The following LRPAP1 variants were observed in gnomAD, a reference collection of about 807,000 sequenced individuals.
The protein encoded by LRPAP1 is LDL receptor related protein associated protein 1, also known as alpha-2-macroglobulin receptor-associated protein.
Under a neutral mutation model 39.9 loss-of-function variants are expected in LRPAP1, and 41 were observed. The observed-to-expected ratio is 1.03, with a 90% CI of 0.80 to 1.33. The LOEUF is 1.33. Ranked by LOEUF, LRPAP1 falls within the 40% of genes most tolerant of loss-of-function variation. LRPAP1 has a pLI of 0.00. For missense variants in LRPAP1, 565 were observed against 482.3 expected, an observed-to-expected ratio of 1.17 and a Z score of -1.61; for synonymous variants, 263 against 212.7, an observed-to-expected ratio of 1.24 and a Z score of -2.06.
Position 3,521,179 on chromosome 4 carries a change from C to T in LRPAP1, c.350-986G>A, listed in dbSNP as rs377062838. Reference sequence around the variant, plus strand: ...GCGGGCGGTGGGCTTGCCTGCCCGCCCTTTCCTGGGGGCTGGGGGAATTCT... The same window carrying T: ...GCGGGCGGTGGGCTTGCCTGCCCGCTCTTTCCTGGGGGCTGGGGGAATTCT... On this transcript the variant is annotated intron_variant, in intron 2 of 7. Coordinates refer to ENST00000650182, the MANE Select transcript of LRPAP1 (RefSeq NM_002337.4). 2.2e-3 allele frequency among the ~76,000 whole-genome samples: 341 copies of T among 152,306 alleles called. 1 individual carries two copies. Among genetic ancestry groups the T allele is most frequent in the African/African-American group, 7.5e-3 (313 of 41,572 alleles).
intron 5 of LRPAP1, 168 bp downstream of exon 5, chr4:3,517,866 T>A (rs866064897): frequency 4.2e-6 from 3 of 722,514 alleles, no homozygotes; most frequent in Non-Finnish European, 6.3e-6. Context: ...GAGCAGCTCC[T>A]GGGAGCGAGG....
At position 3,525,007 on chromosome 4, in the gene LRPAP1, C is replaced by T. The variant is rs1404193195; in HGVS notation, c.249G>A (p.Leu83=). Residue 83 remains leucine (L), a synonymous_variant, in exon 2 of 8, where the codon CTG becomes CTA. Transcript: ENST00000650182. The part of the protein sequence containing the change: ...PVRLAELHAD[L]KIQERDELAW... ...CGAGTTCGTCCCTCTCCTGTATCTT[C>T]AGATCAGCGTGGAGCTCGGCCAGCC... 4 of 1,614,028 alleles carry T rather than the reference C, an allele frequency of 2.5e-6. No homozygotes were observed. The highest frequency in any genetic ancestry group is 3.4e-6 in the Non-Finnish European group (4 of 1,180,052).
chr4:3,524,995 C>T lies in LRPAP1; in HGVS notation c.261G>A (p.Glu87=). ...AELHADLKIQ[E]RDELAWKKLK... ...GTTTCTTCCAGGCGAGTTCGTCCCT[C>T]TCCTGTATCTTCAGATCAGCGTGGA... The change falls in exon 2 of 8, where the codon GAG becomes GAA. Residue 87 remains glutamate, a synonymous_variant. Coordinates refer to ENST00000650182, the MANE Select transcript of LRPAP1 (RefSeq NM_002337.4). The T allele has an allele frequency of 3.7e-6, 6 of 1,614,178 alleles. No homozygotes were observed. Among genetic ancestry groups the T allele is most frequent in the Non-Finnish European group, 4.2e-6 (5 of 1,180,046 alleles).
Position 3,506,051 on chromosome 4 carries a change from T to G in LRPAP1, c.*6923A>C, listed in dbSNP as rs1174670851. 6.6e-6 allele frequency among the ~76,000 whole-genome samples: 1 copy of G among 152,174 alleles called. No homozygotes were observed. The highest frequency in any genetic ancestry group is 2.4e-5 in the African/African-American group (1 of 41,452). On this transcript the variant is annotated 3_prime_UTR_variant, in exon 8 of 8. Transcript: ENST00000650182. ...TCACTGCATCTCATAATTATTGAGA[T>G]ATTTTTAAATTTTCAAGCTTTTTTT...
At chr4:3,514,141 G>C (rs1231135741) in intron 7 of LRPAP1, among the ~76,000 whole-genome samples, 1 of 152,238 alleles carries the variant, frequency 6.6e-6, no homozygotes, top group African/African-American at 2.4e-5. Context: ...ATTCTGCCAG[G>C]CAGACCCGCA....
chr4:3,509,016 T>A lies in LRPAP1; in HGVS notation c.*3958A>T, dbSNP rs1240726652. ...AACACCGCCATGGCCAAGGCGGGAG[T>A]TTAGGGCACAGGATTAAAGCACCAC... On this transcript the variant is annotated 3_prime_UTR_variant, in exon 8 of 8. Transcript: ENST00000650182. 6.6e-6 allele frequency: 1 copy of A among 151,482 alleles called. No individual in the cohort carries two copies. The highest frequency in any genetic ancestry group is 1.5e-5 in the Non-Finnish European group (1 of 67,900). The allele number at this position is 151,482 out of a possible 1,614,324, so 9.4% of individuals were successfully genotyped here.
Position 3,524,986 on chromosome 4 carries a change from T to A in LRPAP1, c.270A>T (p.Glu90Asp). ...CAAGCTTTAGTTTCTTCCAGGCGAG[T>A]TCGTCCCTCTCCTGTATCTTCAGAT... ...HADLKIQERD[E>D]LAWKKLKLDG... is the part of the protein sequence containing the mutation. Residue 90 changes from glutamate to aspartate, a missense_variant, in exon 2 of 8, where the codon GAA (glutamate) becomes GAT (aspartate). Physicochemically the swap from Glu to Asp is conservative, Grantham distance 45. Transcript: ENST00000650182. The A allele has an allele frequency of 6.2e-7, 1 of 1,614,028 alleles. No individual in the cohort carries two copies. The highest frequency in any genetic ancestry group is 8.5e-7 in the Non-Finnish European group (1 of 1,180,006).
At chr4:3,531,553 G>A (rs1398238691) in intron 1 of LRPAP1, among the ~76,000 whole-genome samples, 1 of 152,196 alleles carries the variant, frequency 6.6e-6, no homozygotes, top group East Asian at 1.9e-4. Flanking sequence ...CACCAATTAG[G>A]AAGCTGTTGT....
rs2108683688 is a variant in LRPAP1 at position 3,506,936 on chromosome 4, G to A, written c.*6038C>T. On this transcript the variant is annotated 3_prime_UTR_variant, in exon 8 of 8. Transcript: ENST00000650182. ...CTGGGAATAACGCTAAGACCAGGCT[G>A]GGTGTGGCGGCTCCCGCCACCTGTA... The A allele has an allele frequency of 6.6e-6, 1 of 152,372 alleles. No homozygotes were observed. The highest frequency in any genetic ancestry group is 1.9e-4 in the East Asian group (1 of 5,186). The allele number at this position is 152,372 out of a possible 1,614,324, so 9.4% of individuals were successfully genotyped here.
At chr4:3,513,549 T>C (rs1373993907) in intron 7 of LRPAP1, among the ~76,000 whole-genome samples, 3 of 152,138 alleles carry the variant, frequency 2.0e-5, no homozygotes, top group Non-Finnish European at 4.4e-5. Flanking sequence ...GCTCAGATGA[T>C]CCACCCACCT....
At chr4:3,520,979 A>G (rs1729892827) in intron 2 of LRPAP1, among the ~76,000 whole-genome samples, 1 of 152,214 alleles carries the variant, frequency 6.6e-6, no homozygotes, top group African/African-American at 2.4e-5. Flanking sequence ...CAACAGGACA[A>G]GTCCTGCACT....
chr4:3,514,970 T>G, intron 6 of LRPAP1, 42 bp from the exon 7 acceptor site: 2 of 1,597,826 alleles, frequency 1.3e-6, no homozygotes, highest in Non-Finnish European at 1.7e-6. Context: ...CTTCCCGTGC[T>G]CGCCACGCCA....
intron 2 of LRPAP1, among the ~76,000 whole-genome samples, chr4:3,524,358 A>G (rs995803519): frequency 1.3e-5 from 2 of 152,226 alleles, no homozygotes; most frequent in Non-Finnish European, 2.9e-5. Flanking sequence ...CCAAGTGTCC[A>G]TTCTGATGAC....
rs934210102 is a variant in LRPAP1, at chr4:3,510,782, G to C, written c.*2192C>G. 1.3e-5 allele frequency: 2 copies of C among 152,318 alleles called. No individual in the cohort carries two copies. Among genetic ancestry groups the C allele is most frequent in the Non-Finnish European group, 2.9e-5 (2 of 68,072 alleles). 9.4% of individuals were successfully genotyped at this position (152,318 alleles called of 1,614,324 possible). On this transcript the variant is annotated 3_prime_UTR_variant, in exon 8 of 8. Transcript: ENST00000650182. ...ATACACAGACGCACGCAAAGACACA[G>C]ACTGCCCAGAGCCATGCACGTGGAA...
chr4:3,519,134 A>G, intron 3 of LRPAP1, 143 bp from the exon 4 acceptor site: 2 of 1,365,676 alleles, frequency 1.5e-6, no homozygotes, highest in East Asian at 5.0e-5. Flanking sequence ...GAAGGGCAGG[A>G]AAACAAAAAA....
chr4:3,527,550 T>C (rs73197150), intron 1 of LRPAP1, among the ~76,000 whole-genome samples: 2,921 of 152,342 alleles, frequency 0.019, 43 homozygotes, highest in Middle Eastern at 0.078. Context: ...CTTACCGTGC[T>C]GCACTGCCCG....
intron 5 of LRPAP1, 110 bp downstream of exon 5, chr4:3,517,924 C>T (rs1729771268): frequency 1.2e-5 from 17 of 1,380,940 alleles, no homozygotes; most frequent in East Asian, 1.2e-4. Context: ...GTCTCCGCTG[C>T]GTCCACAGGC....
intron 1 of LRPAP1, among the ~76,000 whole-genome samples, chr4:3,526,935 T>C (rs916197): frequency 0.68 from 103,804 of 152,082 alleles, 36,166 homozygotes; most frequent in East Asian, 0.92. Context: ...TAGTTAGGGA[T>C]GAATTCAGAT....
At chr4:3,513,636 C>T (rs1214938078) in intron 7 of LRPAP1, among the ~76,000 whole-genome samples, 3 of 152,172 alleles carry the variant, frequency 2.0e-5, no homozygotes, top group Non-Finnish European at 2.9e-5. Context: ...AAAGCAATGA[C>T]CAGAGAGACT....
Sources: gnomAD v4.1 joint callset for allele counts (sites outside exome capture counted in the v4.1 genomes callset) on GRCh38, gnomAD v4.1.1 for gene constraint, MANE v1.5 for transcripts, NCBI Gene and HGNC (gene_info 2026-07-23, HGNC 2026-07-21) for gene names.